Variants in MBD5 observed in about 807,000 individuals in gnomAD.
MBD5 encodes the protein methyl-CpG binding domain protein 5, also known as methyl-CpG-binding domain protein 5.
Under a neutral mutation model 117.3 loss-of-function variants are expected in MBD5, and 13 were observed. That is an observed-to-expected ratio of 0.11 (90% CI 0.07 to 0.18). The LOEUF is 0.18. Ranked by LOEUF, MBD5 falls within the 10% of genes least tolerant of loss-of-function variation. MBD5 has a pLI of 1.00. For synonymous variants in MBD5, 727 were observed against 766.4 expected, an observed-to-expected ratio of 0.95 and a Z score of 0.85; for missense variants, 1,879 against 2,093.8, an observed-to-expected ratio of 0.90 and a Z score of 2.00.
intron 4 of MBD5, among the ~76,000 whole-genome samples, chr2:148,372,743 G>A (rs1260757665): frequency 4.6e-5 from 7 of 152,184 alleles, no homozygotes; most frequent in South Asian, 2.1e-4. Context: ...AAGAGAATGC[G>A]AGTGTAAGTG....
intron 4 of MBD5, among the ~76,000 whole-genome samples, chr2:148,372,690 T>A (rs1703887409): frequency 6.6e-6 from 1 of 151,888 alleles, no homozygotes; most frequent in Admixed American, 6.6e-5. Flanking sequence ...AAAGTGTGAA[T>A]ACAGAATTGA....
chr2:148,085,968 G>GTTTATCCA (rs1440208440), intron 1 of MBD5, among the ~76,000 whole-genome samples: 2 of 151,950 alleles, frequency 1.3e-5, no homozygotes, highest in Admixed American at 6.6e-5. Flanking sequence ...CTAAACTCTT[G>GTTTATCCA]GTGGAAGTAC....
chr2:148,475,114 G>C (rs566254226), intron 8 of MBD5, among the ~76,000 whole-genome samples: 1 of 152,232 alleles, frequency 6.6e-6, no homozygotes, highest in South Asian at 2.1e-4. Context: ...GAGCCTCCTT[G>C]AAGGCTGTGA....
chr2:148,287,000 C>T (rs1225306800), intron 3 of MBD5, among the ~76,000 whole-genome samples: 1 of 151,946 alleles, frequency 6.6e-6, no homozygotes, highest in African/African-American at 2.4e-5. Flanking sequence ...TGACATCTTG[C>T]CCTTATTGTT....
At chr2:148,317,620 C>T (rs1702184722) in intron 3 of MBD5, among the ~76,000 whole-genome samples, 1 of 151,884 alleles carries the variant, frequency 6.6e-6, no homozygotes, top group African/African-American at 2.4e-5. Flanking sequence ...CACCCTCCCA[C>T]CTTTTGTTGT....
intron 3 of MBD5, among the ~76,000 whole-genome samples, chr2:148,329,905 T>TA (rs1702587143): frequency 1.3e-5 from 2 of 152,272 alleles, no homozygotes; most frequent in South Asian, 4.1e-4. Flanking sequence ...TAATAACAGT[T>TA]ACCATTTGCA....
chr2:148,121,408 G>GT (rs1248400627), intron 1 of MBD5, among the ~76,000 whole-genome samples: 37 of 147,776 alleles, frequency 2.5e-4, no homozygotes, highest in East Asian at 1.6e-3. Context: ...TAACTTTTGG[G>GT]TTTTTTTTTT....
At chr2:148,305,226 G>T (rs1260900206) in intron 3 of MBD5, among the ~76,000 whole-genome samples, 2 of 152,186 alleles carry the variant, frequency 1.3e-5, no homozygotes, top group Non-Finnish European at 2.9e-5. Context: ...GCCTTGTTAA[G>T]AGGAGGACTC....
intron 4 of MBD5, among the ~76,000 whole-genome samples, chr2:148,352,161 A>G (rs1703264931): frequency 6.6e-6 from 1 of 152,050 alleles, no homozygotes; most frequent in African/African-American, 2.4e-5. Flanking sequence ...TTGTTATAAA[A>G]GTAGCTTGAT....
chr2:148,163,670 C>G (rs1376663726), intron 1 of MBD5, among the ~76,000 whole-genome samples: 1 of 152,154 alleles, frequency 6.6e-6, no homozygotes, highest in Non-Finnish European at 1.5e-5. Context: ...CTGCCTCAGC[C>G]TCCCAAAGTG....
intron 3 of MBD5, among the ~76,000 whole-genome samples, chr2:148,235,572 G>A (rs187883071): frequency 6.6e-6 from 1 of 152,166 alleles, no homozygotes; most frequent in Non-Finnish European, 1.5e-5. Context: ...TAGAAAGGCA[G>A]TTGAACGTAG....
intron 2 of MBD5, among the ~76,000 whole-genome samples, chr2:148,189,062 G>A (rs1170353418): frequency 1.4e-5 from 2 of 141,812 alleles, no homozygotes; most frequent in Non-Finnish European, 3.1e-5. Context: ...CTTAAGAAAC[G>A]GCGCACCACG....
intron 4 of MBD5, among the ~76,000 whole-genome samples, chr2:148,363,256 A>G (rs1271491713): frequency 1.3e-5 from 2 of 152,078 alleles, no homozygotes; most frequent in Admixed American, 1.3e-4. Flanking sequence ...TTTTTGAGAC[A>G]GAGTCTCACT....
At chr2:148,395,144 A>G (rs761173085) in intron 4 of MBD5, among the ~76,000 whole-genome samples, 2 of 152,152 alleles carry the variant, frequency 1.3e-5, no homozygotes, top group Non-Finnish European at 1.5e-5. Context: ...CCCTTAAGGG[A>G]TATAGTTTCC....
chr2:148,241,863 T>C (rs1700222933), intron 3 of MBD5, among the ~76,000 whole-genome samples: 1 of 152,216 alleles, frequency 6.6e-6, no homozygotes, highest in African/African-American at 2.4e-5. Context: ...GTTTTGCTTA[T>C]TGGCTTTAGT....
At chr2:148,157,872 G>C (rs1558951765) in intron 1 of MBD5, among the ~76,000 whole-genome samples, 1 of 151,958 alleles carries the variant, frequency 6.6e-6, no homozygotes, top group East Asian at 1.9e-4. Context: ...AATATATATT[G>C]AAAACATTTA....
intron 3 of MBD5, among the ~76,000 whole-genome samples, chr2:148,336,593 C>G (rs540238466): frequency 6.6e-6 from 1 of 152,198 alleles, no homozygotes; most frequent in Admixed American, 6.5e-5. Context: ...TGCCATGTCA[C>G]CTAGGCTTGT....
chr2:148,289,418 GAA>G (rs1701446208), intron 3 of MBD5, among the ~76,000 whole-genome samples: 1 of 152,122 alleles, frequency 6.6e-6, no homozygotes, highest in Admixed American at 6.5e-5. Context: ...AAAATGTCCA[GAA>G]ACAGGTATTT....
chr2:148,047,877 C>T (rs759135957), intron 1 of MBD5, among the ~76,000 whole-genome samples: 4 of 152,124 alleles, frequency 2.6e-5, no homozygotes, highest in Admixed American at 6.5e-5. Context: ...TGCAAAGACA[C>T]GAGTTACAAA....
Sources: allele counts gnomAD v4.1 joint callset (sites outside exome capture counted in the v4.1 genomes callset), GRCh38; gene constraint gnomAD v4.1.1; transcripts MANE v1.5; gene names NCBI Gene and HGNC (gene_info 2026-07-23, HGNC 2026-07-21).